DPEP2: variants seen among roughly 807,000 people sequenced by gnomAD.
DPEP2 encodes the protein dipeptidase 2.
Under a neutral mutation model 51.8 loss-of-function variants are expected in DPEP2, and 45 were observed. The ratio of observed to expected loss-of-function variants is 0.87; its 90% CI spans 0.68 to 1.11. The LOEUF is 1.11. Ranked by LOEUF, DPEP2 falls within the 50% of genes most tolerant of loss-of-function variation. DPEP2 has a pLI of 0.00. For synonymous variants in DPEP2, 255 were observed against 262.7 expected (o/e 0.97, Z 0.28); for missense variants, 604 against 631.9 (o/e 0.96, Z 0.47).
intron 9 of DPEP2, 66 bp downstream of exon 9, chr16:67,989,257 A>G (rs995931040): frequency 6.4e-7 from 1 of 1,562,854 alleles, no homozygotes; most frequent in African/African-American, 1.4e-5. Context: ...CGTGATGGCT[A>G]TGGTGACCGT....
rs148784169 is a variant in DPEP2, at chr16:67,987,595, C to T, written c.1372G>A (p.Ala458Thr). The change falls in exon 11 of 11, where the codon GCC (alanine) becomes ACC (threonine). Residue 458 changes from alanine (A) to threonine (T), a missense_variant. By Grantham distance (58) the Ala-to-Thr change is moderately conservative (BLOSUM62 0). Coordinates refer to ENST00000393847, the MANE Select transcript of DPEP2 (RefSeq NM_022355.4). ...GAGGACTCTGAGACTGACCACTTGG[C>T]TGGTAACTTGGCTGTCCAGTGTATG... ...IPIHWTAKLP[A>T]KWSVSESSPH... 2 of 1,614,166 alleles carry T rather than the reference C, an allele frequency of 1.2e-6. No individual in the cohort carries two copies. The highest frequency in any genetic ancestry group is 8.5e-7 in the Non-Finnish European group (1 of 1,180,026).
At position 67,993,065 on chromosome 16, in the gene DPEP2, TG is replaced by T; in HGVS notation, c.147del (p.Arg50GlufsTer30). On this transcript the variant is annotated frameshift_variant, in exon 2 of 11. Coordinates refer to ENST00000393847, the MANE Select transcript of DPEP2 (RefSeq NM_022355.4). LOFTEE classifies it high-confidence loss of function. ...PPRALTTLGAPRAHTMPGTYA... is the reference protein window; with the variant it reads ...PPRALTTLGAXRAHTMPGTYA... ...TAGGTGCCCGGCATGGTGTGGGCTC[TG>T]GGGGCGCCCAGCGTGGTGAGGGCTC... 6.3e-7 allele frequency: 1 copy of T among 1,576,454 alleles called. No individual in the cohort carries two copies.
In DPEP2 at chr16:67,999,357, A is replaced by T. The variant is rs1269386874; in HGVS notation, c.-46+18T>A. On this transcript the variant is annotated intron_variant, in intron 1 of 10. Transcript: ENST00000393847. ...CAAACATCCAAACATCAAAAGAAACAAACTCCAGACGCGCTACCTTAAGAG... is the reference window on the plus strand; with the variant it reads ...CAAACATCCAAACATCAAAAGAAACTAACTCCAGACGCGCTACCTTAAGAG... The T allele has an allele frequency of 2.3e-6, 1 of 425,614 alleles. No individual in the cohort carries two copies. Among genetic ancestry groups the T allele is most frequent in the Non-Finnish European group, 3.1e-6 (1 of 318,176 alleles). The allele number at this position is 425,614 out of a possible 1,614,324, so 26.4% of individuals were successfully genotyped here.
At chr16:67,990,776 G>A (rs2032032512) in intron 7 of DPEP2, 45 bp downstream of exon 7, 1 of 1,585,432 alleles carries the variant, frequency 6.3e-7, no homozygotes, top group Non-Finnish European at 8.6e-7. Flanking sequence ...AGGGCTCCTG[G>A]TTTGAACCTC....
rs753450669 is a variant in DPEP2, at chr16:67,990,874, G to A, written c.856C>T (p.Arg286Trp). The change falls in exon 7 of 11, where the codon CGG (arginine) becomes TGG (tryptophan). Residue 286 changes from arginine to tryptophan, a missense_variant. By Grantham distance (101) the Arg-to-Trp change is moderately radical. Transcript: ENST00000393847. Reference protein sequence around the residue: ...APVIFSHSAARGVCNSARNVP... With the variant: ...APVIFSHSAAWGVCNSARNVP... ...TTCCGAGCACTGTTGCACACACCCC[G>A]GGCAGCCGAGTGGGAGAAGATCACA... is the stretch of plus-strand genomic sequence containing the variant. The A allele has an allele frequency of 1.6e-5, 26 of 1,614,028 alleles. No individual in the cohort carries two copies. Among genetic ancestry groups the A allele is most frequent in the Middle Eastern group, 1.6e-4 (1 of 6,084 alleles).
At chr16:67,989,882 A>G (rs554772649) in intron 8 of DPEP2, among the ~76,000 whole-genome samples, 165 bp downstream of exon 8, 1 of 152,338 alleles carries the variant, frequency 6.6e-6, no homozygotes, top group South Asian at 2.1e-4. Flanking sequence ...TATACCCATC[A>G]GGACCGCAGC....
Position 67,999,395 on chromosome 16 carries a change from C to T in DPEP2, c.-66G>A. 2.7e-6 allele frequency: 2 copies of T among 734,984 alleles called. No individual in the cohort carries two copies. The highest frequency in any genetic ancestry group is 3.3e-6 in the Non-Finnish European group (2 of 600,496). The allele number at this position is 734,984 out of a possible 1,614,324, so 45.5% of individuals were successfully genotyped here. A position where few individuals can be genotyped will look rare whatever the true frequency, so the allele number is the denominator to read the frequency against. Reference sequence around the variant, plus strand: ...GCTACCTTAAGAGCTGTAACACTCACTGCGAGGGTCTGCAGCTTCATTCTA... The same window carrying T: ...GCTACCTTAAGAGCTGTAACACTCATTGCGAGGGTCTGCAGCTTCATTCTA... On this transcript the variant is annotated 5_prime_UTR_variant, in exon 1 of 11. In the 5' UTR this introduces an upstream ATG that the reference lacks. Coordinates refer to ENST00000393847, the MANE Select transcript of DPEP2 (RefSeq NM_022355.4).
chr16:67,993,107 T>C lies in DPEP2; in HGVS notation c.106A>G (p.Thr36Ala). Reference protein sequence around the residue: ...LLQPVTCAYTTPGPPRALTTL... With the variant: ...LLQPVTCAYTAPGPPRALTTL... ...GTGAGGGCTCTGGGGGGGCCTGGCG[T>C]GGTGTAGGCACAGGTTACAGGCTGG... Residue 36 changes from threonine (T) to alanine (A), a missense_variant, in exon 2 of 11, where the codon ACG (threonine) becomes GCG (alanine). Transcript: ENST00000393847. The C allele has an allele frequency of 6.4e-7, 1 of 1,564,720 alleles. No homozygotes were observed. The highest frequency in any genetic ancestry group is 8.7e-7 in the Non-Finnish European group (1 of 1,154,214).
rs1420998100 is a variant in DPEP2 at position 67,990,948 on chromosome 16, T to C, written c.782A>G (p.His261Arg). ...NRLGMMVDLS[H>R]VSDAVARRAL... Reference sequence around the variant, plus strand: ...CCGCCGTGCCACAGCATCTGAGACATGGGATAAGTCTACCATCATGCCCAG... The same window carrying C: ...CCGCCGTGCCACAGCATCTGAGACACGGGATAAGTCTACCATCATGCCCAG... The change falls in exon 7 of 11, where the codon CAT (histidine) becomes CGT (arginine). Residue 261 changes from histidine to arginine, a missense_variant. By Grantham distance (29) the His-to-Arg change is conservative. Coordinates refer to ENST00000393847, the MANE Select transcript of DPEP2 (RefSeq NM_022355.4). 1 of 1,614,200 alleles carries C rather than the reference T, an allele frequency of 6.2e-7. No homozygotes were observed. Among genetic ancestry groups the C allele is most frequent in the Non-Finnish European group, 8.5e-7 (1 of 1,180,032 alleles).
chr16:67,993,124 A>G lies in DPEP2; in HGVS notation c.89T>C (p.Val30Ala), dbSNP rs1326258554. ...LLLLLLLLQP[V>A]TCAYTTPGPP... ...GCCTGGCGTGGTGTAGGCACAGGTT[A>G]CAGGCTGGAGCAGCAGCAGCAGGAG... The change falls in exon 2 of 11, where the codon GTA becomes GCA. Residue 30 changes from valine (V) to alanine (A), a missense_variant. Val to Ala is a moderately conservative substitution (Grantham distance 64). Transcript: ENST00000393847. 6.4e-7 allele frequency: 1 copy of G among 1,554,694 alleles called. No homozygotes were observed. The highest frequency in any genetic ancestry group is 2.4e-5 in the East Asian group (1 of 42,172).
intron 2 of DPEP2, 87 bp downstream of exon 2, chr16:67,992,863 C>A: frequency 6.6e-7 from 1 of 1,504,002 alleles, no homozygotes; most frequent in South Asian, 1.3e-5. Context: ...TGTGAGGGAG[C>A]CTCCTCCACA....
At chr16:68,000,491 C>T, upstream of DPEP2, 1 of 985,290 alleles carries the variant, frequency 1.0e-6, no homozygotes, top group Non-Finnish European at 1.2e-6. Flanking sequence ...TGCATCCAAG[C>T]CCCTCTGGTC....
chr16:67,992,019 G>C (rs1327875455), intron 4 of DPEP2, 40 bp from the exon 5 acceptor site: 10 of 1,613,870 alleles, frequency 6.2e-6, no homozygotes, highest in Non-Finnish European at 8.5e-6. Flanking sequence ...TCCAGGGCTG[G>C]AGTAGCTCAA....
intron 1 of DPEP2, among the ~76,000 whole-genome samples, chr16:67,996,629 A>T (rs1229125725): frequency 6.6e-6 from 1 of 151,912 alleles, no homozygotes; most frequent in Non-Finnish European, 1.5e-5. Context: ...TAATCCACCC[A>T]CCACGGCCTC....
In DPEP2 at chr16:67,987,566, G is replaced by C; in HGVS notation, c.1401C>G (p.Pro467=). 1.2e-6 allele frequency: 2 copies of C among 1,614,156 alleles called. No individual in the cohort carries two copies. Among genetic ancestry groups the C allele is most frequent in the Admixed American group, 1.7e-5 (1 of 60,016 alleles). ...CAACTGCAAGGACTGGGGCCATGTGGGGGGAGGACTCTGAGACTGACCACT... is the reference window on the plus strand; with the variant it reads ...CAACTGCAAGGACTGGGGCCATGTGCGGGGAGGACTCTGAGACTGACCACT... ...PAKWSVSESS[P]HMAPVLAVVA... The change falls in exon 11 of 11, where the codon CCC becomes CCG. Residue 467 remains proline (P), a synonymous_variant. Coordinates refer to ENST00000393847, the MANE Select transcript of DPEP2 (RefSeq NM_022355.4).
chr16:67,994,981 A>G, intron 1 of DPEP2: 1 of 756,272 alleles, frequency 1.3e-6, no homozygotes, highest in Non-Finnish European at 1.6e-6. Context: ...GCTCACTGCA[A>G]TCTCCACCTC....
Position 67,987,450 on chromosome 16 carries a change from C to T in DPEP2, c.*56G>A. ...TATTTGTGCCTGCACAACAGGGGAA[C>T]TTTGTGGGGTGTCTGTGGCTTGCTA... On this transcript the variant is annotated 3_prime_UTR_variant, in exon 11 of 11. Coordinates refer to ENST00000393847, the MANE Select transcript of DPEP2 (RefSeq NM_022355.4). 4 of 1,569,022 alleles carry T rather than the reference C, an allele frequency of 2.5e-6. No individual in the cohort carries two copies. Among genetic ancestry groups the T allele is most frequent in the Non-Finnish European group, 3.5e-6 (4 of 1,152,306 alleles).
At chr16:67,993,881 A>G in intron 1 of DPEP2, 2 of 985,404 alleles carry the variant, frequency 2.0e-6, no homozygotes, top group Non-Finnish European at 2.4e-6. Flanking sequence ...TTAGGCCCTC[A>G]AGCCTATACT....
chr16:67,989,572 G>A (rs567463590), intron 8 of DPEP2, among the ~76,000 whole-genome samples, 174 bp from the exon 9 acceptor site: 9 of 152,318 alleles, frequency 5.9e-5, no homozygotes, highest in Non-Finnish European at 8.8e-5. Context: ...GACCTGAATG[G>A]ATTCAGCTGG....
Sources: allele counts gnomAD v4.1 joint callset (sites outside exome capture counted in the v4.1 genomes callset), GRCh38; gene constraint gnomAD v4.1.1; transcripts MANE v1.5; gene names NCBI Gene and HGNC (gene_info 2026-07-23, HGNC 2026-07-21).